The following SPNS3 variants were observed in gnomAD, a reference collection of about 807,000 sequenced individuals.
SPNS3 encodes the protein SPNS lysolipid transporter 3, sphingosine-1-phosphate (putative), also known as protein spinster homolog 3.
A neutral mutation model predicts 54.4 loss-of-function variants in SPNS3; 51 were observed. The ratio of observed to expected loss-of-function variants is 0.94; its 90% CI spans 0.75 to 1.18. SPNS3 has a LOEUF of 1.18. Ranked by LOEUF, SPNS3 falls within the 50% of genes most tolerant of loss-of-function variation. The pLI is 0.00. For synonymous variants in SPNS3, 309 were observed against 294.7 expected, an observed-to-expected ratio of 1.05 and a Z score of -0.50; for missense variants, 669 against 677.4, an observed-to-expected ratio of 0.99 and a Z score of 0.14.
At chr17:4,441,793 G>A (rs1210187265) in intron 2 of SPNS3, among the ~76,000 whole-genome samples, 1 of 138,752 alleles carries the variant, frequency 7.2e-6, no homozygotes, top group African/African-American at 2.7e-5. Flanking sequence ...GATGGTGGGG[G>A]TGTGTTGGGG....
Position 4,446,028 on chromosome 17 carries a change from T to G in SPNS3, c.403-20T>G, listed in dbSNP as rs768121802. On this transcript the variant is annotated intron_variant, in intron 3 of 11. Coordinates refer to ENST00000355530, the MANE Select transcript of SPNS3 (RefSeq NM_182538.5). ...GGGTGATTTCTGGAACTCACCGTGGTCTTGTGCCTGCTCGCCCAGTATTCT... is the reference window on the plus strand; with the variant it reads ...GGGTGATTTCTGGAACTCACCGTGGGCTTGTGCCTGCTCGCCCAGTATTCT... The G allele has an allele frequency of 3.1e-6, 5 of 1,589,678 alleles. No homozygotes were observed. The highest frequency in any genetic ancestry group is 3.4e-6 in the Non-Finnish European group (4 of 1,163,806).
intron 9 of SPNS3, among the ~76,000 whole-genome samples, chr17:4,479,892 C>T (rs964366789): frequency 2.0e-5 from 3 of 152,180 alleles, no homozygotes; most frequent in African/African-American, 4.8e-5. Context: ...TGAGAAGATC[C>T]ATCTGCCTGG....
At chr17:4,450,869 A>C (rs1971146222) in intron 7 of SPNS3, among the ~76,000 whole-genome samples, 1 of 150,722 alleles carries the variant, frequency 6.6e-6, no homozygotes, top group Non-Finnish European at 1.5e-5. Flanking sequence ...CAGCCTCCCG[A>C]AGTGCTGGAA....
At chr17:4,453,245 G>C (rs973870492) in intron 8 of SPNS3, 40 bp downstream of exon 8, 2 of 1,568,726 alleles carry the variant, frequency 1.3e-6, no homozygotes, top group South Asian at 1.1e-5. Flanking sequence ...CAGGGTTGGG[G>C]GGCGAGGAAC....
intron 8 of SPNS3, among the ~76,000 whole-genome samples, chr17:4,465,858 T>C (rs1483960159): frequency 6.6e-6 from 1 of 152,246 alleles, no homozygotes; most frequent in Admixed American, 6.5e-5. Context: ...GGTTTCCTTC[T>C]CTTCTGTCCC....
intron 8 of SPNS3, among the ~76,000 whole-genome samples, chr17:4,465,682 G>T (rs763823369): frequency 6.6e-6 from 1 of 152,072 alleles, no homozygotes; most frequent in African/African-American, 2.4e-5. Flanking sequence ...AGGTGGGATC[G>T]CCACCAATGT....
At position 4,476,453 on chromosome 17, in the gene SPNS3, TG is replaced by T. The variant is rs552541145; in HGVS notation, c.1114-2114del. Among the ~76,000 whole-genome samples, 1,033 of 151,894 alleles carry T rather than the reference TG, an allele frequency of 6.8e-3. 7 individuals are homozygous for T. The highest frequency in any genetic ancestry group is 8.7e-3 in the Non-Finnish European group (589 of 67,922). ...GGGGAGAGCAAAACGGGGAGCTGGT[TG>T]GGGGACAGCGTGCCTGGGCTGCACA... On this transcript the variant is annotated intron_variant, in intron 8 of 11. Transcript: ENST00000355530.
At chr17:4,436,248 T>A (rs1181860433) in intron 1 of SPNS3, among the ~76,000 whole-genome samples, 1 of 152,090 alleles carries the variant, frequency 6.6e-6, no homozygotes, top group African/African-American at 2.4e-5. Flanking sequence ...TGGGCATCGA[T>A]CTGTCAGTTA....
intron 1 of SPNS3, among the ~76,000 whole-genome samples, chr17:4,439,316 G>A (rs111993865): frequency 5.9e-5 from 9 of 152,218 alleles, no homozygotes; most frequent in African/African-American, 1.9e-4. Context: ...GTAGAGACGG[G>A]GTTTCACCAC....
intron 1 of SPNS3, among the ~76,000 whole-genome samples, chr17:4,435,803 A>G (rs63129762): frequency 0.79 from 119,889 of 151,356 alleles, 48,261 homozygotes; most frequent in Middle Eastern, 0.83. Flanking sequence ...GTGGTGGCTC[A>G]CGCCTGTAAT....
chr17:4,486,155 C>G lies in SPNS3; in HGVS notation c.1180-73C>G. On this transcript the variant is annotated intron_variant, in intron 9 of 11. Transcript: ENST00000355530. This position sits in a 1 kb window ranked among gnomAD's most constrained non-coding sequence, Gnocchi z 5.5. The stretch of plus-strand genomic sequence containing the variant: ...GGCCTGTCACTCCTCCAGGCAGGTC[C>G]TTGGCAGGTGGGGAACAGCAGGCAA... 7.3e-7 allele frequency: 1 copy of G among 1,378,546 alleles called. No individual in the cohort carries two copies. The highest frequency in any genetic ancestry group is 1.5e-5 in the South Asian group (1 of 65,616). 85.4% of individuals were successfully genotyped at this position (1,378,546 alleles called of 1,614,324 possible).
intron 8 of SPNS3, among the ~76,000 whole-genome samples, chr17:4,473,529 A>G (rs1971912756): frequency 6.6e-6 from 1 of 151,756 alleles, no homozygotes; most frequent in African/African-American, 2.4e-5. Flanking sequence ...CTGGGATTAC[A>G]GGCACCCGCC....
rs1971095271 is a variant in SPNS3 at position 4,449,376 on chromosome 17, C to T, written c.912C>T (p.Ser304=). ...CTCCCTGCTTCCAGGAGCCGTGCAG[C>T]AACCCCGACAGGTGAGGGCATCCGG... The part of the protein sequence containing the change: ...LQPPCFQEPC[S]NPDSLIFGAL... Residue 304 remains serine, a synonymous_variant, in exon 7 of 12, where the codon AGC becomes AGT. Transcript: ENST00000355530. The T allele has an allele frequency of 6.3e-6, 10 of 1,599,142 alleles. No individual in the cohort carries two copies. The highest frequency in any genetic ancestry group is 7.6e-6 in the Non-Finnish European group (9 of 1,177,326).
intron 8 of SPNS3, among the ~76,000 whole-genome samples, chr17:4,466,356 A>T (rs1057334091): frequency 1.3e-5 from 2 of 152,108 alleles, no homozygotes; most frequent in African/African-American, 4.8e-5. Context: ...CCTGGCCAAC[A>T]TGGTGAAACC....
intron 8 of SPNS3, among the ~76,000 whole-genome samples, chr17:4,470,322 G>A (rs1434432744): frequency 6.6e-6 from 1 of 152,066 alleles, no homozygotes; most frequent in East Asian, 1.9e-4. Context: ...CCAGCTACTT[G>A]GGAGGCTGAG....
intron 7 of SPNS3, 35 bp downstream of exon 7, chr17:4,449,422 G>A (rs768600419): frequency 3.0e-5 from 47 of 1,541,518 alleles, no homozygotes; most frequent in African/African-American, 1.5e-4. Flanking sequence ...CACCTGGCCC[G>A]GCTCGGGGGC....
chr17:4,438,164 G>A (rs908714997), intron 1 of SPNS3, among the ~76,000 whole-genome samples: 3 of 152,164 alleles, frequency 2.0e-5, no homozygotes, highest in Non-Finnish European at 2.9e-5. Flanking sequence ...AGGTGTGCAC[G>A]CAGGGCTTTC....
chr17:4,439,518 G>C, intron 1 of SPNS3, 140 bp from the exon 2 acceptor site: 1 of 660,984 alleles, frequency 1.5e-6, no homozygotes, highest in Non-Finnish European at 2.7e-6. Flanking sequence ...ATGGGAGAGA[G>C]GGGGAGAGAA....
intron 7 of SPNS3, among the ~76,000 whole-genome samples, chr17:4,451,427 CT>C (rs1174577230): frequency 1.3e-5 from 2 of 151,514 alleles, no homozygotes; most frequent in Non-Finnish European, 2.9e-5. Context: ...AATTTTTGTA[CT>C]TTTGGTAGAG....
Sources: allele counts gnomAD v4.1 joint callset (sites outside exome capture counted in the v4.1 genomes callset), GRCh38; gene constraint gnomAD v4.1.1; non-coding constraint Gnocchi (gnomAD v3.1); transcripts MANE v1.5; gene names NCBI Gene and HGNC (gene_info 2026-07-23, HGNC 2026-07-21).